The following CCNY variants were observed in gnomAD, a reference collection of about 807,000 sequenced individuals.
CCNY encodes cyclin Y.
Under a neutral mutation model 42.8 loss-of-function variants are expected in CCNY, and 19 were observed. The observed-to-expected ratio is 0.44, with a 90% CI of 0.31 to 0.65. CCNY has a LOEUF of 0.65. Ranked by LOEUF, CCNY falls within the 30% of genes least tolerant of loss-of-function variation. The pLI, the probability that CCNY is intolerant of heterozygous loss-of-function variation, is 0.07. For missense variants in CCNY, 370 were observed against 437.3 expected (o/e 0.85, Z 1.37); for synonymous variants, 165 against 162.7 (o/e 1.01, Z -0.11).
intron 9 of CCNY, 65 bp from the exon 10 acceptor site, chr10:35,568,989 G>A: frequency 1.8e-6 from 2 of 1,084,164 alleles, no homozygotes; most frequent in Admixed American, 1.7e-5. Context: ...TCGGCGCCCA[G>A]GACGAGTGAG....
intron 3 of CCNY, among the ~76,000 whole-genome samples, chr10:35,278,725 T>C (rs1835266137): frequency 6.6e-6 from 1 of 152,206 alleles, no homozygotes; most frequent in African/African-American, 2.4e-5. Context: ...ATGGGTCACC[T>C]ACTGGGAGGG....
At chr10:35,499,286 C>G (rs1840063686) in intron 2 of CCNY, among the ~76,000 whole-genome samples, 1 of 152,196 alleles carries the variant, frequency 6.6e-6, no homozygotes, top group South Asian at 2.1e-4. Flanking sequence ...TCAGGCACGT[C>G]TCACATCGCG....
At chr10:35,262,408 G>C (rs1284444461) in intron 3 of CCNY, among the ~76,000 whole-genome samples, 1 of 147,308 alleles carries the variant, frequency 6.8e-6, no homozygotes, top group African/African-American at 2.5e-5. Flanking sequence ...GCCCAGGCTA[G>C]AGTGCAGTGG....
chr10:35,562,475 C>T (rs1244981179), intron 8 of CCNY, among the ~76,000 whole-genome samples: 1 of 152,198 alleles, frequency 6.6e-6, no homozygotes, highest in Non-Finnish European at 1.5e-5. Context: ...CTTGCCATTC[C>T]TCCTTCCTCC....
At chr10:35,410,111 C>G (rs1250762086) in intron 1 of CCNY, among the ~76,000 whole-genome samples, 4 of 152,152 alleles carry the variant, frequency 2.6e-5, no homozygotes, top group African/African-American at 9.7e-5. Context: ...CAACCTTGTC[C>G]TGTCACCCAG....
chr10:35,378,880 C>G (rs889048369), intron 1 of CCNY, among the ~76,000 whole-genome samples: 7 of 152,128 alleles, frequency 4.6e-5, no homozygotes, highest in Non-Finnish European at 4.4e-5. Flanking sequence ...CCTCTGCTTC[C>G]TAACTTATGC....
chr10:35,414,822 G>T (rs910804902), intron 1 of CCNY, among the ~76,000 whole-genome samples: 9 of 152,172 alleles, frequency 5.9e-5, no homozygotes, highest in African/African-American at 2.2e-4. Flanking sequence ...ACACATAAAA[G>T]AGGGTTAGGG....
rs369328001 is a variant in CCNY, at chr10:35,398,566, TC to T, written c.154+61362del. On this transcript the variant is annotated intron_variant, in intron 1 of 9. Coordinates refer to ENST00000374704, the MANE Select transcript of CCNY (RefSeq NM_145012.6). ...GTGTGTGATTAGGGCATTGCCAAGT[TC>T]CCGGTGGTAGAAATCGTTTACCATA... 2.3e-3 allele frequency among the ~76,000 whole-genome samples: 344 copies of T among 152,224 alleles called. 1 individual carries two copies. Among genetic ancestry groups the T allele is most frequent in the African/African-American group, 7.8e-3 (324 of 41,536 alleles).
intron 1 of CCNY, chr10:35,455,276 A>G (rs1289706906): frequency 1.3e-5 from 2 of 152,246 alleles, no homozygotes. Flanking sequence ...TGCTGCCTTT[A>G]AAATCAAATT....
intron 3 of CCNY, among the ~76,000 whole-genome samples, chr10:35,304,881 TC>T (rs1468919686): frequency 6.6e-6 from 1 of 152,052 alleles, no homozygotes; most frequent in African/African-American, 2.4e-5. Flanking sequence ...GCAGGGGAGA[TC>T]AGAGGAAGAA....
intron 1 of CCNY, among the ~76,000 whole-genome samples, chr10:35,355,352 AAAGTT>A (rs1462500635): frequency 1.3e-5 from 2 of 152,194 alleles, no homozygotes; most frequent in African/African-American, 4.8e-5. Context: ...GGGTAAAAGT[AAAGTT>A]AAGGCTAAGT....
intron 1 of CCNY, among the ~76,000 whole-genome samples, chr10:35,455,970 C>T (rs1268600390): frequency 6.6e-6 from 1 of 152,018 alleles, no homozygotes; most frequent in Non-Finnish European, 1.5e-5. Flanking sequence ...AGGCATGAGC[C>T]ACCATGCCCA....
chr10:35,431,115 C>CA (rs112378512), intron 1 of CCNY, among the ~76,000 whole-genome samples: 1,262 of 107,502 alleles, frequency 0.012, 19 homozygotes, highest in Middle Eastern at 0.036. Context: ...GACTCCATCT[C>CA]AAAAAAAAAA....
intron 3 of CCNY, among the ~76,000 whole-genome samples, chr10:35,305,905 T>C (rs1835600794): frequency 6.6e-6 from 1 of 151,994 alleles, no homozygotes; most frequent in Admixed American, 6.6e-5. Flanking sequence ...ATCATTAGAG[T>C]GGGTTTCATT....
chr10:35,342,096 G>A (rs540603378), intron 1 of CCNY, among the ~76,000 whole-genome samples: 15 of 152,244 alleles, frequency 9.9e-5, no homozygotes, highest in Admixed American at 9.8e-4. Flanking sequence ...AGCCAGAGAA[G>A]CTAGAAGCCT....
intron 1 of CCNY, among the ~76,000 whole-genome samples, chr10:35,478,591 G>C (rs1387761351): frequency 1.3e-5 from 2 of 152,188 alleles, no homozygotes; most frequent in African/African-American, 4.8e-5. Context: ...GCCATATGGA[G>C]AAAGCTGAAA....
At chr10:35,292,781 G>GTTTTTTTTTT (rs71033391) in intron 3 of CCNY, among the ~76,000 whole-genome samples, 12 of 108,752 alleles carry the variant, frequency 1.1e-4, no homozygotes, top group African/African-American at 1.4e-4. Context: ...CTTTGTTTTT[G>GTTTTTTTTTT]TTTTTTTTTT....
intron 3 of CCNY, among the ~76,000 whole-genome samples, chr10:35,283,561 G>A (rs1199315315): frequency 6.6e-6 from 1 of 152,048 alleles, no homozygotes; most frequent in African/African-American, 2.4e-5. Flanking sequence ...GTGCCACCAC[G>A]CTTGGCTAAT....
At chr10:35,334,863 T>C (rs1835991877), upstream of CCNY, among the ~76,000 whole-genome samples, 1 of 152,246 alleles carries the variant, frequency 6.6e-6, no homozygotes, top group Non-Finnish European at 1.5e-5. Flanking sequence ...TTGCTGATGC[T>C]AGATAAATAT....
Sources: gnomAD v4.1 joint callset for allele counts (sites outside exome capture counted in the v4.1 genomes callset) on GRCh38, gnomAD v4.1.1 for gene constraint, MANE v1.5 for transcripts, NCBI Gene and HGNC (gene_info 2026-07-23, HGNC 2026-07-21) for gene names.